MAMDC2: variants seen among roughly 807,000 people sequenced by gnomAD.
MAMDC2 encodes the protein MAM domain-containing protein 2.
In MAMDC2, 57 loss-of-function variants were observed where a neutral mutation model predicts 89.8. The observed-to-expected ratio is 0.63, with a 90% CI of 0.51 to 0.79. The LOEUF (loss-of-function observed/expected upper bound fraction) is 0.79, where lower values mean the gene tolerates loss of function less well. MAMDC2 is among the 30% of genes least tolerant of loss of function. The pLI is 0.00. For missense variants in MAMDC2, 800 were observed against 820.6 expected, an observed-to-expected ratio of 0.97 and a Z score of 0.31; for synonymous variants, 313 against 293.4, an observed-to-expected ratio of 1.07 and a Z score of -0.68.
chr9:70,108,379 T>G lies in MAMDC2; in HGVS notation c.317T>G (p.Phe106Cys). ...DPSQLNLYMR[F>C]EDESFDRLLW... ...AGCCAGCTGAACCTCTACATGAGAT[T>G]TGAAGATGAAAGCTTTGATCGCTTG... The change falls in exon 3 of 14, where the codon TTT becomes TGT. Residue 106 changes from phenylalanine to cysteine, a missense_variant. Physicochemically the swap from Phe to Cys is radical, Grantham distance 205 (BLOSUM62 -2). Coordinates refer to ENST00000377182, the MANE Select transcript of MAMDC2 (RefSeq NM_153267.5). 6.2e-7 allele frequency: 1 copy of G among 1,614,156 alleles called. No homozygotes were observed. The highest frequency in any genetic ancestry group is 8.5e-7 in the Non-Finnish European group (1 of 1,179,984).
At chr9:70,119,157 G>T (rs979074103) in intron 5 of MAMDC2, among the ~76,000 whole-genome samples, 1 of 132,094 alleles carries the variant, frequency 7.6e-6, no homozygotes, top group African/African-American at 3.0e-5. Context: ...TGACAGCTCA[G>T]ATCATTACTG....
intron 2 of MAMDC2, among the ~76,000 whole-genome samples, chr9:70,049,462 G>A (rs1826839134): frequency 6.6e-6 from 1 of 152,186 alleles, no homozygotes; most frequent in South Asian, 2.1e-4. Flanking sequence ...AGGTTCCTGG[G>A]AGAGGAGAAC....
intron 2 of MAMDC2, among the ~76,000 whole-genome samples, chr9:70,054,037 T>C (rs1032141071): frequency 2.0e-5 from 3 of 152,096 alleles, no homozygotes; most frequent in Admixed American, 1.3e-4. Flanking sequence ...GTTTGGTTGA[T>C]GGTGCCAACA....
intron 9 of MAMDC2, among the ~76,000 whole-genome samples, chr9:70,161,253 A>G (rs1358473288): frequency 6.6e-6 from 1 of 152,232 alleles, no homozygotes; most frequent in Non-Finnish European, 1.5e-5. Flanking sequence ...GTTCAGCTAC[A>G]GGCCTGTATT....
intron 2 of MAMDC2, among the ~76,000 whole-genome samples, chr9:70,045,618 G>A (rs1826729715): frequency 6.6e-6 from 1 of 152,094 alleles, no homozygotes; most frequent in Admixed American, 6.5e-5. Flanking sequence ...TCGCTCCCTG[G>A]GGGAGGATGG....
At chr9:70,193,638 T>C (rs2032926230) in intron 11 of MAMDC2, among the ~76,000 whole-genome samples, 1 of 152,090 alleles carries the variant, frequency 6.6e-6, no homozygotes, top group South Asian at 2.1e-4. Flanking sequence ...AATACTGGGA[T>C]ACCAAAATGG....
intron 2 of MAMDC2, chr9:70,087,012 T>C (rs1034902916): frequency 6.6e-6 from 1 of 152,138 alleles, no homozygotes; most frequent in Non-Finnish European, 1.5e-5. Context: ...CTAACTTTTT[T>C]TTCCAGATGG....
chr9:70,222,274 A>T (rs1205597029), intron 12 of MAMDC2, among the ~76,000 whole-genome samples: 4 of 152,224 alleles, frequency 2.6e-5, no homozygotes, highest in Non-Finnish European at 5.9e-5. Context: ...TGTGTGCAGG[A>T]AGAAAATTAA....
chr9:70,170,315 C>G (rs1481337975), intron 10 of MAMDC2, 164 bp from the exon 11 acceptor site: 2 of 590,212 alleles, frequency 3.4e-6, no homozygotes, highest in Non-Finnish European at 5.5e-6. Flanking sequence ...AATGCAGCCT[C>G]TAGCTGGAAG....
At chr9:70,171,547 T>G (rs960527512) in intron 11 of MAMDC2, among the ~76,000 whole-genome samples, 5 of 152,098 alleles carry the variant, frequency 3.3e-5, no homozygotes, top group African/African-American at 1.2e-4. Flanking sequence ...GAATGGATCT[T>G]TCTCACTCAC....
At chr9:70,050,168 A>T (rs765979117) in intron 2 of MAMDC2, among the ~76,000 whole-genome samples, 5 of 152,146 alleles carry the variant, frequency 3.3e-5, no homozygotes, top group Non-Finnish European at 7.3e-5. Context: ...ATGCCATACC[A>T]TGTAACATGT....
At chr9:70,161,371 A>G (rs2031963514) in intron 9 of MAMDC2, among the ~76,000 whole-genome samples, 1 of 152,248 alleles carries the variant, frequency 6.6e-6, no homozygotes, top group South Asian at 2.1e-4. Context: ...TGTAAGAGCC[A>G]AAAGTTGAAT....
At chr9:70,072,841 A>T in intron 2 of MAMDC2, among the ~76,000 whole-genome samples, 1 of 151,686 alleles carries the variant, frequency 6.6e-6, no homozygotes, top group Admixed American at 6.6e-5. Flanking sequence ...TTTTCATTCT[A>T]TTTTTTTTTC....
At chr9:70,221,366 T>G (rs1199884917) in intron 12 of MAMDC2, among the ~76,000 whole-genome samples, 8 of 8,162 alleles carry the variant, frequency 9.8e-4, no homozygotes, top group African/African-American at 2.9e-3. Context: ...AATATATATA[T>G]ATATATATAT....
Position 70,126,350 on chromosome 9 carries a change from G to A in MAMDC2, c.835G>A (p.Asp279Asn). The A allele has an allele frequency of 1.2e-6, 2 of 1,614,154 alleles. No homozygotes were observed. Among genetic ancestry groups the A allele is most frequent in the South Asian group, 1.1e-5 (1 of 91,078 alleles). Residue 279 changes from aspartate (D) to asparagine (N), a missense_variant, in exon 6 of 14, where the codon GAC becomes AAC. Physicochemically the swap from Asp to Asn is conservative, Grantham distance 23. Coordinates refer to ENST00000377182, the MANE Select transcript of MAMDC2 (RefSeq NM_153267.5). ...AGLYEEIWKA[D>N]RPGNAAWNLA... is the part of the protein sequence containing the mutation. ...CCTTTACGAGGAAATCTGGAAAGCA[G>A]ACAGGCCAGGGAATGCTGCCTGGAA...
intron 11 of MAMDC2, among the ~76,000 whole-genome samples, chr9:70,182,140 T>C (rs1232264711): frequency 2.0e-5 from 3 of 152,208 alleles, no homozygotes; most frequent in Non-Finnish European, 4.4e-5. Flanking sequence ...TGGTTCTGTT[T>C]ATGTGATGGA....
intron 7 of MAMDC2, among the ~76,000 whole-genome samples, chr9:70,137,551 C>A (rs993705079): frequency 6.6e-6 from 1 of 152,114 alleles, no homozygotes; most frequent in African/African-American, 2.4e-5. Flanking sequence ...GATTGTCATG[C>A]CTCTTTCATC....
intron 11 of MAMDC2, among the ~76,000 whole-genome samples, chr9:70,195,494 G>A (rs565583668): frequency 6.0e-4 from 92 of 152,236 alleles, no homozygotes; most frequent in African/African-American, 2.0e-3. Flanking sequence ...GCCATGGTCT[G>A]AAAATATTAA....
intron 11 of MAMDC2, among the ~76,000 whole-genome samples, chr9:70,179,477 TCA>T (rs2118568669): frequency 6.7e-6 from 1 of 150,194 alleles, no homozygotes; most frequent in East Asian, 2.0e-4. Flanking sequence ...TGAGCCGAGA[TCA>T]TGCCACTGCA....
Sources: allele counts gnomAD v4.1 joint callset (sites outside exome capture counted in the v4.1 genomes callset), GRCh38; gene constraint gnomAD v4.1.1; transcripts MANE v1.5; gene names NCBI Gene and HGNC (gene_info 2026-07-23, HGNC 2026-07-21).